The following PHACTR1 variants were observed in gnomAD, a reference collection of about 807,000 sequenced individuals.
PHACTR1 encodes phosphatase and actin regulator 1, also known as RPEL repeat containing 1.
PHACTR1 carries 16 observed loss-of-function variants against 69.2 expected under a neutral mutation model. The observed-to-expected ratio is 0.23, with a 90% confidence interval of 0.16 to 0.35. PHACTR1 has a LOEUF of 0.35. Ranked by LOEUF, PHACTR1 falls within the 10% of genes least tolerant of loss-of-function variation. The pLI is 1.00. For synonymous variants in PHACTR1, 312 were observed against 284.5 expected (o/e 1.10, Z -0.97); for missense variants, 510 against 734.7 (o/e 0.69, Z 3.54).
At chr6:13,232,612 C>T (rs985572532) in intron 10 of PHACTR1, among the ~76,000 whole-genome samples, 1 of 152,178 alleles carries the variant, frequency 6.6e-6, no homozygotes, top group African/African-American at 2.4e-5. Context: ...TCTGTCCATG[C>T]CACTCCCACC....
At chr6:12,754,925 G>A (rs1767116619) in intron 4 of PHACTR1, among the ~76,000 whole-genome samples, 1 of 152,224 alleles carries the variant, frequency 6.6e-6, no homozygotes, top group African/African-American at 2.4e-5. Context: ...ACTATTTTAT[G>A]TAAAGGATTT....
intron 4 of PHACTR1, among the ~76,000 whole-genome samples, chr6:12,841,613 G>A (rs762008475): frequency 1.3e-5 from 2 of 152,146 alleles, no homozygotes; most frequent in Non-Finnish European, 1.5e-5. Flanking sequence ...AGCATGCTCA[G>A]GGAGAAATAT....
intron 4 of PHACTR1, among the ~76,000 whole-genome samples, chr6:12,770,669 G>A (rs534461229): frequency 3.5e-4 from 54 of 152,170 alleles, no homozygotes; most frequent in Non-Finnish European, 6.3e-4. Context: ...GCAGTGCACC[G>A]AACTGGCCGT....
intron 11 of PHACTR1, 173 bp from the exon 12 acceptor site, chr6:13,278,095 A>G: frequency 1.8e-6 from 1 of 542,150 alleles, no homozygotes. Context: ...CAACGCAGGT[A>G]GTTTGGAAAG....
At position 13,013,821 on chromosome 6, in the gene PHACTR1, C is replaced by G. The variant is rs1037177063; in HGVS notation, c.251-39544C>G. ...CGGGGCGGGGGCATGCTGGCGAGGC[C>G]GAGGGGCGCGAGTGGCAGCGCGCGG... On this transcript the variant is annotated intron_variant, in intron 4 of 14. Coordinates refer to ENST00000332995, the MANE Select transcript of PHACTR1 (RefSeq NM_030948.6). Among the ~76,000 whole-genome samples, 3 of 148,852 alleles carry G rather than the reference C, an allele frequency of 2.0e-5. No individual in the cohort carries two copies. The East Asian group carries it at 6.0e-4, about 30-fold the overall frequency.
intron 4 of PHACTR1, among the ~76,000 whole-genome samples, chr6:12,886,978 C>T (rs1783703459): frequency 5.9e-5 from 9 of 152,144 alleles, no homozygotes; most frequent in Non-Finnish European, 1.5e-5. Flanking sequence ...AGAGCAGCAG[C>T]GTGCAGCTCC....
chr6:12,989,955 C>T (rs2127604265), intron 4 of PHACTR1, among the ~76,000 whole-genome samples: 1 of 152,330 alleles, frequency 6.6e-6, no homozygotes, highest in South Asian at 2.1e-4. Context: ...AAAGGAGTGT[C>T]TTTCTCCTTG....
At chr6:12,865,361 C>T (rs908295309) in intron 4 of PHACTR1, among the ~76,000 whole-genome samples, 1 of 152,168 alleles carries the variant, frequency 6.6e-6, no homozygotes, top group African/African-American at 2.4e-5. Context: ...AATACTGATG[C>T]ACTAATTTGA....
chr6:12,952,404 C>A (rs955749679), intron 4 of PHACTR1, among the ~76,000 whole-genome samples: 2 of 152,192 alleles, frequency 1.3e-5, no homozygotes, highest in Non-Finnish European at 2.9e-5. Context: ...ACTCCCTCCC[C>A]CAACCCCGAT....
rs59178451 is a variant in PHACTR1 at position 13,157,256 on chromosome 6, T to C, written c.416-2948T>C. 4.5e-4 allele frequency among the ~76,000 whole-genome samples: 69 copies of C among 152,318 alleles called. 1 individual carries two copies. In the East Asian group the frequency reaches 0.012, roughly 27 times the overall value. On this transcript the variant is annotated intron_variant, in intron 5 of 14. Coordinates refer to ENST00000332995, the MANE Select transcript of PHACTR1 (RefSeq NM_030948.6). ...CCCCCCTCAGCTCAAAGATCTCTTC[T>C]TCAGAAAAGCCTTTTCCAACACCCC...
chr6:12,951,464 G>A (rs1024855419), intron 4 of PHACTR1, among the ~76,000 whole-genome samples: 1 of 152,194 alleles, frequency 6.6e-6, no homozygotes, highest in East Asian at 1.9e-4. Flanking sequence ...AGAAAAGGGG[G>A]GAGTTATAAT....
chr6:13,035,691 C>CT (rs375873123), intron 4 of PHACTR1, among the ~76,000 whole-genome samples: 24 of 152,282 alleles, frequency 1.6e-4, no homozygotes, highest in African/African-American at 5.3e-4. Flanking sequence ...TATGAAGAAA[C>CT]TATTATTATT....
At chr6:13,260,677 C>A (rs1562083921) in intron 10 of PHACTR1, among the ~76,000 whole-genome samples, 1 of 152,168 alleles carries the variant, frequency 6.6e-6, no homozygotes, top group Non-Finnish European at 1.5e-5. Flanking sequence ...TGGTGACTGG[C>A]ATGCATCATA....
rs115284096 is a variant in PHACTR1, at chr6:12,882,442, C to T, written c.250+132652C>T. On this transcript the variant is annotated intron_variant, in intron 4 of 14. Transcript: ENST00000332995. ...AATTTATCTCATTACCATGCAGTCA[C>T]AGCTTCAAACCTATGAAAAGAAATA... Among the ~76,000 whole-genome samples, 700 of 152,120 alleles carry T rather than the reference C, an allele frequency of 4.6e-3. 4 individuals carry two copies. Among genetic ancestry groups the T allele is most frequent in the African/African-American group, 0.016 (673 of 41,498 alleles).
intron 4 of PHACTR1, among the ~76,000 whole-genome samples, chr6:12,809,791 T>C (rs1774816038): frequency 1.3e-5 from 2 of 152,222 alleles, no homozygotes; most frequent in African/African-American, 2.4e-5. Context: ...GGATTGGAAC[T>C]TTCCCTCCAT....
chr6:12,973,800 T>G (rs529066835), intron 4 of PHACTR1, among the ~76,000 whole-genome samples: 261 of 152,180 alleles, frequency 1.7e-3, no homozygotes, highest in Non-Finnish European at 2.9e-3. Flanking sequence ...GCTTATTGAT[T>G]GTTATTCAAG....
At chr6:12,972,650 CTTTCTTT>C (rs1794365393) in intron 4 of PHACTR1, among the ~76,000 whole-genome samples, 2 of 130,218 alleles carry the variant, frequency 1.5e-5, no homozygotes, top group Non-Finnish European at 1.7e-5. Flanking sequence ...TTCTTTCTTT[CTTTCTTT>C]TTTTTTTTTT....
intron 4 of PHACTR1, among the ~76,000 whole-genome samples, chr6:12,847,205 G>A (rs1209476263): frequency 1.3e-5 from 2 of 152,026 alleles, no homozygotes; most frequent in South Asian, 2.1e-4. Flanking sequence ...TAGGTAATTC[G>A]ACCACACCTG....
intron 6 of PHACTR1, among the ~76,000 whole-genome samples, chr6:13,162,850 C>T (rs1759239574): frequency 6.6e-6 from 1 of 152,106 alleles, no homozygotes; most frequent in Admixed American, 6.5e-5. Context: ...CCCAAGTCCT[C>T]ACCAACAGTT....
Sources: allele counts gnomAD v4.1 joint callset (sites outside exome capture counted in the v4.1 genomes callset), GRCh38; gene constraint gnomAD v4.1.1; transcripts MANE v1.5; gene names NCBI Gene and HGNC (gene_info 2026-07-23, HGNC 2026-07-21).